The following APP variants were observed in gnomAD, a reference collection of about 807,000 sequenced individuals.
APP encodes amyloid beta precursor protein.
A neutral mutation model predicts 101.4 loss-of-function variants in APP; 31 were observed. That is an observed-to-expected ratio of 0.31 (90% CI 0.23 to 0.41). The LOEUF (loss-of-function observed/expected upper bound fraction) is 0.41, where lower values mean the gene tolerates loss of function less well. Ranked by LOEUF, APP falls within the 10% of genes least tolerant of loss-of-function variation. APP has a pLI of 1.00. For synonymous variants in APP, 366 were observed against 364.4 expected (o/e 1.00, Z -0.05); for missense variants, 839 against 1,003.7 (o/e 0.84, Z 2.22).
chr21:25,979,235 A>G (rs749623749), intron 9 of APP, among the ~76,000 whole-genome samples: 17 of 152,352 alleles, frequency 1.1e-4, no homozygotes, highest in South Asian at 2.1e-4. Flanking sequence ...AAGAAAACAT[A>G]TAACAAAAAC....
At chr21:26,150,009 CAT>C (rs1234980873) in intron 1 of APP, among the ~76,000 whole-genome samples, 3 of 152,192 alleles carry the variant, frequency 2.0e-5, no homozygotes, top group Non-Finnish European at 4.4e-5. Flanking sequence ...AGGTTCAGCA[CAT>C]GAGGCCTTGC....
At chr21:26,031,888 A>G (rs2044844324) in intron 5 of APP, among the ~76,000 whole-genome samples, 1 of 152,178 alleles carries the variant, frequency 6.6e-6, no homozygotes, top group African/African-American at 2.4e-5. Context: ...CCCCATTCCT[A>G]GGAGAAAACA....
chr21:25,892,458 T>C lies in APP; in HGVS notation c.2065-590A>G, dbSNP rs138304039. ...GAGTTAAACAATAGAAAAAAAGATA[T>C]CTTGTTACCTACTTTTAGCTATAGT... On this transcript the variant is annotated intron_variant, in intron 16 of 17. Coordinates refer to ENST00000346798, the MANE Select transcript of APP (RefSeq NM_000484.4). 8.6e-5 allele frequency among the ~76,000 whole-genome samples: 11 copies of C among 127,770 alleles called. No individual in the cohort carries two copies. The East Asian group carries it at 1.2e-3, about 14-fold the overall frequency. The allele number at this position is 127,770 out of a possible 152,430, so 83.8% of individuals were successfully genotyped here. A position where few individuals can be genotyped will look rare whatever the true frequency, so the allele number is the denominator to read the frequency against.
chr21:25,885,311 G>C (rs2037252218), intron 17 of APP, among the ~76,000 whole-genome samples: 1 of 152,240 alleles, frequency 6.6e-6, no homozygotes, highest in Non-Finnish European at 1.5e-5. Context: ...TACAGCAGTG[G>C]CATGGGCCAC....
At chr21:26,119,705 CAT>C (rs1555879053) in intron 1 of APP, among the ~76,000 whole-genome samples, 23 of 151,840 alleles carry the variant, frequency 1.5e-4, no homozygotes, top group African/African-American at 5.6e-4. Context: ...CACACACACA[CAT>C]ATACACACAG....
chr21:26,007,307 T>C (rs969823828), intron 6 of APP, among the ~76,000 whole-genome samples: 7 of 149,610 alleles, frequency 4.7e-5, no homozygotes. Context: ...AATATTAAAA[T>C]CCACTAAGTA....
At chr21:25,986,605 C>A (rs1002451005) in intron 8 of APP, among the ~76,000 whole-genome samples, 2 of 140,200 alleles carry the variant, frequency 1.4e-5, no homozygotes, top group African/African-American at 5.9e-5. Flanking sequence ...GAGGCTGAGG[C>A]AGGAGAATCG....
At chr21:26,074,625 C>A (rs535369020) in intron 3 of APP, among the ~76,000 whole-genome samples, 2 of 152,218 alleles carry the variant, frequency 1.3e-5, no homozygotes, top group South Asian at 4.2e-4. Context: ...ATGGCGTGTG[C>A]CTGTAGTCCT....
At chr21:26,081,634 A>C (rs2061601468) in intron 3 of APP, among the ~76,000 whole-genome samples, 1 of 152,186 alleles carries the variant, frequency 6.6e-6, no homozygotes, top group Non-Finnish European at 1.5e-5. Flanking sequence ...GGGATGGTTT[A>C]GCTTGGGCTC....
chr21:25,935,302 TAAAA>T (rs546866908), intron 13 of APP: 14 of 151,776 alleles, frequency 9.2e-5, no homozygotes, highest in Non-Finnish European at 1.8e-4. Flanking sequence ...ATTGTGTATT[TAAAA>T]AAAAATCTCC....
intron 13 of APP, among the ~76,000 whole-genome samples, chr21:25,918,652 C>T (rs576149094): frequency 1.3e-5 from 2 of 151,888 alleles, no homozygotes; most frequent in East Asian, 2.0e-4. Context: ...CACTCCCACC[C>T]GAATATTGCG....
rs535717764 is a variant in APP, at chr21:26,095,082, G to A, written c.226-5010C>T. Among the ~76,000 whole-genome samples the A allele has an allele frequency of 5.3e-5, 8 of 152,310 alleles. No individual in the cohort carries two copies. In the East Asian group the frequency reaches 1.5e-3, roughly 29 times the overall value. ...GATGCTCTCAATCTCCTGACCTTGT[G>A]ATCCACCCGCCTTGGCCTCCCAAAG... is the stretch of plus-strand genomic sequence containing the variant. On this transcript the variant is annotated intron_variant, in intron 2 of 17. Coordinates refer to ENST00000346798, the MANE Select transcript of APP (RefSeq NM_000484.4).
chr21:25,955,831 G>T lies in APP; in HGVS notation c.1459-76C>A, dbSNP rs527521496. ...TTCTTCCATTGGCGATGGGTTAGAG[G>T]TTCCACTAATGCATCCGGTCATGTG... On this transcript the variant is annotated intron_variant, in intron 11 of 17. Coordinates refer to ENST00000346798, the MANE Select transcript of APP (RefSeq NM_000484.4). 6 of 1,604,908 alleles carry T rather than the reference G, an allele frequency of 3.7e-6. No individual in the cohort carries two copies. In the African/African-American group the frequency reaches 8.0e-5, roughly 21 times the overall value.
rs145351111 is a variant in APP, at chr21:26,103,757, T to C, written c.225+8222A>G. 5.3e-5 allele frequency among the ~76,000 whole-genome samples: 8 copies of C among 152,336 alleles called. No individual in the cohort carries two copies. In the East Asian group the frequency reaches 1.5e-3, roughly 29 times the overall value. ...CCAATCTCTGTGCCAGAAACTACCA[T>C]CCACAAGCATTTACCTAACGACGAC... On this transcript the variant is annotated intron_variant, in intron 2 of 17. Coordinates refer to ENST00000346798, the MANE Select transcript of APP (RefSeq NM_000484.4).
chr21:25,928,660 T>C (rs2040006220), intron 13 of APP: 2 of 152,194 alleles, frequency 1.3e-5, no homozygotes, highest in East Asian at 3.8e-4. Context: ...GTTCGATTTA[T>C]AGTGAAATTA....
At position 26,138,168 on chromosome 21, in the gene APP, T is replaced by C. The variant is rs1402543109; in HGVS notation, c.58-26022A>G. ...ACCTATGAACAGAAGTAAAATGATA[T>C]GATACCTGAGAATTATTTTAAAATG... On this transcript the variant is annotated intron_variant, in intron 1 of 17. Transcript: ENST00000346798. Among the ~76,000 whole-genome samples the C allele has an allele frequency of 4.6e-5, 7 of 152,172 alleles. No homozygotes were observed. The East Asian group carries it at 1.2e-3, about 25-fold the overall frequency.
intron 1 of APP, among the ~76,000 whole-genome samples, chr21:26,118,175 A>G (rs1425825712): frequency 6.6e-6 from 1 of 152,218 alleles, no homozygotes; most frequent in Non-Finnish European, 1.5e-5. Flanking sequence ...TAGGAAATCA[A>G]GAGGTCCCTC....
At position 26,083,052 on chromosome 21, in the gene APP, G is replaced by A. The variant is rs45608537; in HGVS notation, c.355+6891C>T. Among the ~76,000 whole-genome samples, 2,537 of 152,232 alleles carry A rather than the reference G, an allele frequency of 0.017. 174 individuals carry two copies. In the East Asian group the frequency reaches 0.22, roughly 13 times the overall value. ...ATCAATAAAAAAATCATAGCTAAAT[G>A]TAGGGGTATCCATGCTTATGTTAAA... On this transcript the variant is annotated intron_variant, in intron 3 of 17. Transcript: ENST00000346798.
At chr21:26,104,095 G>A (rs966138718) in intron 2 of APP, among the ~76,000 whole-genome samples, 1 of 152,146 alleles carries the variant, frequency 6.6e-6, no homozygotes, top group Non-Finnish European at 1.5e-5. Context: ...CTTCGTTTGA[G>A]CAGGGAGAAA....
Sources: gnomAD v4.1 joint callset for allele counts (sites outside exome capture counted in the v4.1 genomes callset) on GRCh38, gnomAD v4.1.1 for gene constraint, MANE v1.5 for transcripts, NCBI Gene and HGNC (gene_info 2026-07-23, HGNC 2026-07-21) for gene names.